Variants in PDE10A observed in about 807,000 individuals in gnomAD.
PDE10A encodes the protein phosphodiesterase 10A.
A neutral mutation model predicts 97.7 loss-of-function variants in PDE10A; 39 were observed. The ratio of observed to expected loss-of-function variants is 0.40; its 90% CI spans 0.31 to 0.52. The LOEUF is 0.52. Among genes scored for constraint, PDE10A ranks in the 20% least tolerant of loss-of-function variants. The pLI is 0.56. For missense variants in PDE10A, 731 were observed against 1,047.8 expected (o/e 0.70, Z 4.17); for synonymous variants, 371 against 376.8 (o/e 0.98, Z 0.18).
chr6:165,363,900 T>A (rs1018022126), intron 18 of PDE10A, among the ~76,000 whole-genome samples: 1 of 152,170 alleles, frequency 6.6e-6, no homozygotes, highest in African/African-American at 2.4e-5. Context: ...GAAAAGCATC[T>A]CATATTCACA....
intron 2 of PDE10A, among the ~76,000 whole-genome samples, chr6:165,539,104 A>T (rs1783269767): frequency 6.6e-6 from 1 of 152,192 alleles, no homozygotes; most frequent in Non-Finnish European, 1.5e-5. Context: ...GTTTTTATAT[A>T]TTCCCTAAAT....
chr6:165,610,447 C>T (rs1787436666), intron 1 of PDE10A, among the ~76,000 whole-genome samples: 1 of 150,730 alleles, frequency 6.6e-6, no homozygotes, highest in African/African-American at 2.4e-5. Flanking sequence ...AGGAGAATAG[C>T]GTGAACCCAG....
intron 13 of PDE10A, among the ~76,000 whole-genome samples, chr6:165,402,408 T>C (rs1184710885): frequency 6.6e-6 from 1 of 152,142 alleles, no homozygotes; most frequent in Non-Finnish European, 1.5e-5. Context: ...ATTTTCTAAA[T>C]GACCTTTAAT....
chr6:165,686,630 T>C (rs9365907), intron 1 of PDE10A, among the ~76,000 whole-genome samples: 58,634 of 152,234 alleles, frequency 0.39, 11,539 homozygotes, highest in Middle Eastern at 0.5. Context: ...AGCAGTGTTT[T>C]CAATCGAATC....
At position 165,692,788 on chromosome 6, in the gene PDE10A, C is replaced by T. The variant is rs556371848; in HGVS notation, c.-614-149220G>A. 7.9e-5 allele frequency among the ~76,000 whole-genome samples: 12 copies of T among 152,280 alleles called. No homozygotes were observed. The East Asian group carries it at 9.6e-4, about 12-fold the overall frequency. On this transcript the variant is annotated intron_variant, in intron 1 of 19. Transcript: ENST00000366882. The stretch of plus-strand genomic sequence containing the variant: ...TTAAATCATATTGTATCCACCTTTC[C>T]CTTCTTTCCTAATGGAATAAACACT...
Position 165,856,777 on chromosome 6 carries a change from G to A in PDE10A, c.-615+130752C>T, listed in dbSNP as rs528409123. 1.5e-4 allele frequency among the ~76,000 whole-genome samples: 23 copies of A among 152,232 alleles called. No homozygotes were observed. The South Asian group carries it at 2.9e-3, about 19-fold the overall frequency. ...GGTTTCTGTTGACACTTCATGCTAC[G>A]TTCATAAATTTTCTCTGTTTTCCTG... is the stretch of plus-strand genomic sequence containing the variant. On this transcript the variant is annotated intron_variant, in intron 1 of 19. Coordinates refer to the PDE10A transcript ENST00000366882.
chr6:165,761,446 GC>G (rs1173977873), intron 1 of PDE10A, among the ~76,000 whole-genome samples: 20 of 146,634 alleles, frequency 1.4e-4, no homozygotes, highest in African/African-American at 5.4e-4. Context: ...GCCCCTCCAT[GC>G]GGGTCACCCA....
chr6:165,744,885 T>C (rs73030237), intron 1 of PDE10A, among the ~76,000 whole-genome samples: 7,009 of 152,288 alleles, frequency 0.046, 275 homozygotes, highest in South Asian at 0.18. Flanking sequence ...TTACTTATGT[T>C]TGATAAGCTT....
upstream of PDE10A, among the ~76,000 whole-genome samples, chr6:165,663,564 G>T (rs1238985356): frequency 1.3e-5 from 2 of 152,230 alleles, no homozygotes; most frequent in Non-Finnish European, 2.9e-5. Flanking sequence ...CTCCGACCCA[G>T]CTGTGCTCAG....
chr6:165,547,070 T>A (rs537647784), intron 1 of PDE10A, among the ~76,000 whole-genome samples: 1 of 152,256 alleles, frequency 6.6e-6, no homozygotes, highest in African/African-American at 2.4e-5. Flanking sequence ...GAGTAGCTGA[T>A]GATTTAAAAT....
chr6:165,598,518 T>C (rs947804627), intron 1 of PDE10A, among the ~76,000 whole-genome samples: 1 of 152,156 alleles, frequency 6.6e-6, no homozygotes, highest in African/African-American at 2.4e-5. Flanking sequence ...AGGGTACAAA[T>C]GGTGTGGCCC....
intron 1 of PDE10A, among the ~76,000 whole-genome samples, chr6:165,702,807 G>A (rs1162197032): frequency 1.3e-5 from 2 of 152,124 alleles, no homozygotes; most frequent in African/African-American, 2.4e-5. Flanking sequence ...CTGCAAGGAC[G>A]CTCTCTCATG....
rs140633282 is a variant in PDE10A, at chr6:165,655,379, C to T, written c.865+6568G>A. Among the ~76,000 whole-genome samples, 609 of 152,260 alleles carry T rather than the reference C, an allele frequency of 4.0e-3. 9 individuals carry two copies. Among genetic ancestry groups the T allele is most frequent in the Non-Finnish European group, 3.2e-3 (221 of 68,016 alleles). ...CACGCCTGATTCCTTGCGCACCCCA[C>T]GTGCTCCTCCTCCAGGCTTCCCATC... On this transcript the variant is annotated intron_variant, in intron 1 of 21. Transcript: ENST00000539869. The surrounding 1 kb of genome is among the most constrained non-coding windows in gnomAD (Gnocchi z 4.5).
intron 1 of PDE10A, among the ~76,000 whole-genome samples, chr6:165,567,198 A>C (rs781089518): frequency 6.6e-6 from 1 of 152,206 alleles, no homozygotes; most frequent in East Asian, 1.9e-4. Context: ...CAGACACAAA[A>C]GATAAATACT....
intron 1 of PDE10A, chr6:165,773,348 G>A (rs1778070314): frequency 6.6e-6 from 1 of 152,084 alleles, no homozygotes; most frequent in South Asian, 2.1e-4. Context: ...GGCTTGTTTT[G>A]TATTCTTAAA....
intron 1 of PDE10A, among the ~76,000 whole-genome samples, chr6:165,817,997 G>A (rs905157000): frequency 3.3e-5 from 5 of 152,278 alleles, no homozygotes; most frequent in Admixed American, 6.5e-5. Flanking sequence ...ATTGCACATC[G>A]TACTTCACAC....
chr6:165,793,393 C>T (rs1457604290), intron 1 of PDE10A, among the ~76,000 whole-genome samples: 6 of 152,078 alleles, frequency 3.9e-5, no homozygotes, highest in Non-Finnish European at 8.8e-5. Flanking sequence ...AATGCAAGCT[C>T]TTATTAGCAG....
At chr6:165,578,079 C>T (rs1317876751) in intron 1 of PDE10A, among the ~76,000 whole-genome samples, 1 of 152,150 alleles carries the variant, frequency 6.6e-6, no homozygotes, top group East Asian at 1.9e-4. Context: ...GCAGGAAGTT[C>T]CTGCTTCATT....
intron 3 of PDE10A, among the ~76,000 whole-genome samples, chr6:165,473,311 A>G (rs1482020546): frequency 1.3e-5 from 2 of 152,228 alleles, no homozygotes; most frequent in African/African-American, 2.4e-5. Context: ...ACTGGTTTCA[A>G]TACTTCTCAG....
Sources: allele counts gnomAD v4.1 joint callset (sites outside exome capture counted in the v4.1 genomes callset), GRCh38; gene constraint gnomAD v4.1.1; non-coding constraint Gnocchi (gnomAD v3.1); transcripts MANE v1.5; gene names NCBI Gene and HGNC (gene_info 2026-07-23, HGNC 2026-07-21).